The following FMN1 variants were observed in gnomAD, a reference collection of about 807,000 sequenced individuals.
The protein encoded by FMN1 is formin 1.
Under a neutral mutation model 132.4 loss-of-function variants are expected in FMN1, and 110 were observed. The ratio of observed to expected loss-of-function variants is 0.83; its 90% CI spans 0.71 to 0.97. FMN1 has a LOEUF of 0.97. Ranked by LOEUF, FMN1 falls within the 50% of genes least tolerant of loss-of-function variation. The pLI, the probability that FMN1 is intolerant of heterozygous loss-of-function variation, is 0.00. For synonymous variants in FMN1, 722 were observed against 651.7 expected (o/e 1.11, Z -1.64); for missense variants, 1,792 against 1,705.3 (o/e 1.05, Z -0.90).
chr15:33,100,413 T>C (rs939753256), intron 4 of FMN1, among the ~76,000 whole-genome samples: 1 of 152,116 alleles, frequency 6.6e-6, no homozygotes, highest in Non-Finnish European at 1.5e-5. Flanking sequence ...TGAAAAGATA[T>C]TTGGCAATAT....
intron 6 of FMN1, chr15:33,062,607 G>C (rs1416462330): frequency 1.3e-5 from 2 of 152,182 alleles, no homozygotes; most frequent in African/African-American, 4.8e-5. Flanking sequence ...GGGCGACAGA[G>C]TGAGACTCCA....
chr15:32,779,269 A>G (rs1460810969), intron 19 of FMN1, among the ~76,000 whole-genome samples: 1 of 148,514 alleles, frequency 6.7e-6, no homozygotes, highest in African/African-American at 2.5e-5. Context: ...AAGTGATACT[A>G]ATGTGTATGG....
At position 32,969,161 on chromosome 15, in the gene FMN1, T is replaced by C. The variant is rs774747857; in HGVS notation, c.2540A>G (p.His847Arg). 23 of 1,613,922 alleles carry C rather than the reference T, an allele frequency of 1.4e-5. No individual in the cohort carries two copies. The highest frequency in any genetic ancestry group is 1.9e-5 in the Non-Finnish European group (22 of 1,179,874). The change falls in exon 8 of 21, where the codon CAC becomes CGC. Residue 847 changes from histidine (H) to arginine (R), a missense_variant. His to Arg is a conservative substitution (Grantham distance 29). Coordinates refer to ENST00000616417, the MANE Select transcript of FMN1 (RefSeq NM_001277313.2). ...SLSQLSPPNDHKDIHAALQPM... is the reference protein window; with the variant it reads ...SLSQLSPPNDRKDIHAALQPM... ...CTGGAGTGCTGCATGGATGTCTTTG[T>C]GGTCATTTGGGGGTGAGAGCTGGCT...
At chr15:32,903,785 C>T (rs16960807) in intron 12 of FMN1, among the ~76,000 whole-genome samples, 9,601 of 152,240 alleles carry the variant, frequency 0.063, 337 homozygotes, top group East Asian at 0.12. Flanking sequence ...ATGTATGTTA[C>T]GCAAGAAAGG....
chr15:32,872,032 AAGT>A (rs2059527507), intron 16 of FMN1, among the ~76,000 whole-genome samples: 2 of 151,832 alleles, frequency 1.3e-5, no homozygotes, highest in South Asian at 4.1e-4. Flanking sequence ...CTGTGCATGA[AAGT>A]AGCTCTTTTT....
intron 4 of FMN1, among the ~76,000 whole-genome samples, chr15:33,129,764 G>A (rs936287010): frequency 3.3e-5 from 5 of 150,954 alleles, no homozygotes; most frequent in African/African-American, 1.2e-4. Flanking sequence ...TCACACCTCT[G>A]ACCAGAAAAG....
chr15:33,123,138 T>A (rs886672509), intron 4 of FMN1, among the ~76,000 whole-genome samples: 1 of 147,108 alleles, frequency 6.8e-6, no homozygotes, highest in African/African-American at 2.7e-5. Flanking sequence ...TCAAGCCTTG[T>A]GGATCTATTT....
intron 10 of FMN1, among the ~76,000 whole-genome samples, chr15:32,912,544 C>T (rs61555633): frequency 0.064 from 9,733 of 152,148 alleles, 450 homozygotes; most frequent in Middle Eastern, 0.15. Context: ...TTTCAGATAA[C>T]AATTTACTAT....
chr15:32,976,979 C>G (rs1018830258), intron 7 of FMN1, among the ~76,000 whole-genome samples: 3 of 152,172 alleles, frequency 2.0e-5, no homozygotes, highest in Non-Finnish European at 4.4e-5. Context: ...GATCCCACAG[C>G]TGAAAAATAG....
At chr15:32,913,145 A>G (rs1235005850) in intron 10 of FMN1, among the ~76,000 whole-genome samples, 1 of 152,100 alleles carries the variant, frequency 6.6e-6, no homozygotes, top group Non-Finnish European at 1.5e-5. Context: ...AACCCCACTC[A>G]AGACCCAACT....
rs868209657 is a variant in FMN1 at position 32,785,190 on chromosome 15, G to A, written c.4131-8271C>T. The stretch of plus-strand genomic sequence containing the variant: ...TGTGTGTGTGTGTGTGTGTGTGTGT[G>A]TGTGTGTGTGTATATATATATATAT... On this transcript the variant is annotated intron_variant, in intron 19 of 20. Transcript: ENST00000616417. Among the ~76,000 whole-genome samples the A allele has an allele frequency of 3.2e-3, 80 of 25,196 alleles. 1 individual carries two copies. The highest frequency in any genetic ancestry group is 8.9e-3 in the African/African-American group (69 of 7,790). The allele number at this position is 25,196 out of a possible 152,430, so 16.5% of individuals were successfully genotyped here.
At chr15:33,091,256 G>T (rs1595451098) in intron 4 of FMN1, among the ~76,000 whole-genome samples, 1 of 152,110 alleles carries the variant, frequency 6.6e-6, no homozygotes, top group Admixed American at 6.5e-5. Context: ...TAACAACAAG[G>T]ATTTGGGGTC....
chr15:33,133,984 G>C (rs114692067), intron 4 of FMN1, among the ~76,000 whole-genome samples: 1 of 151,994 alleles, frequency 6.6e-6, no homozygotes, highest in African/African-American at 2.4e-5. Flanking sequence ...TTGAGGAAAG[G>C]TCTCACTCTC....
At chr15:33,041,813 G>C (rs192875513) in intron 6 of FMN1, among the ~76,000 whole-genome samples, 1 of 152,096 alleles carries the variant, frequency 6.6e-6, no homozygotes, top group African/African-American at 2.4e-5. Context: ...CATAGTGTCA[G>C]TTTTGCAAAA....
intron 6 of FMN1, among the ~76,000 whole-genome samples, chr15:33,049,897 G>T (rs933187427): frequency 6.6e-6 from 1 of 152,180 alleles, no homozygotes; most frequent in Non-Finnish European, 1.5e-5. Context: ...ATTCTGCCAT[G>T]ATTCTAGGGG....
chr15:33,087,891 GAAAT>G (rs2141354772), intron 5 of FMN1, among the ~76,000 whole-genome samples: 1 of 152,138 alleles, frequency 6.6e-6, no homozygotes, highest in African/African-American at 2.4e-5. Flanking sequence ...AGAAAGGAAT[GAAAT>G]AACGCCATTT....
At chr15:32,848,937 G>A (rs1321376899) in intron 17 of FMN1, among the ~76,000 whole-genome samples, 2 of 150,270 alleles carry the variant, frequency 1.3e-5, no homozygotes, top group African/African-American at 2.4e-5. Context: ...GTGTTATGGT[G>A]AGGACCAGCT....
Position 32,865,407 on chromosome 15 carries a change from A to C in FMN1, c.3836-8300T>G, listed in dbSNP as rs542585920. Among the ~76,000 whole-genome samples the C allele has an allele frequency of 3.9e-5, 6 of 152,368 alleles. No homozygotes were observed. In the South Asian group the frequency reaches 1.2e-3, roughly 32 times the overall value. ...AAATAATTTTAAAAATCTTAGGTGC[A>C]ACTATGTCTTCATTATAATACTTAC... On this transcript the variant is annotated intron_variant, in intron 16 of 20. Transcript: ENST00000616417.
chr15:32,846,109 A>T (rs1202555994), intron 17 of FMN1, among the ~76,000 whole-genome samples: 1 of 152,208 alleles, frequency 6.6e-6, no homozygotes, highest in Non-Finnish European at 1.5e-5. Context: ...ACAACATTTT[A>T]TTGTGCCTAT....
Sources: gnomAD v4.1 joint callset for allele counts (sites outside exome capture counted in the v4.1 genomes callset) on GRCh38, gnomAD v4.1.1 for gene constraint, MANE v1.5 for transcripts, NCBI Gene and HGNC (gene_info 2026-07-23, HGNC 2026-07-21) for gene names.